The following PHF21A variants were observed in gnomAD, a reference collection of about 807,000 sequenced individuals.
PHF21A encodes BHC80a.
In PHF21A, 11 loss-of-function variants were observed where a neutral mutation model predicts 82.5. That is an observed-to-expected ratio of 0.13 (90% confidence interval 0.08 to 0.22). The LOEUF is 0.22. Ranked by LOEUF, PHF21A falls within the 10% of genes least tolerant of loss-of-function variation. The pLI is 1.00. For synonymous variants in PHF21A, 297 were observed against 302.8 expected, an observed-to-expected ratio of 0.98 and a Z score of 0.20; for missense variants, 579 against 837.8, an observed-to-expected ratio of 0.69 and a Z score of 3.81.
At chr11:46,119,888 G>A (rs1316738942) in intron 1 of PHF21A, 1 of 147,546 alleles carries the variant, frequency 6.8e-6, no homozygotes, top group Non-Finnish European at 1.5e-5. Flanking sequence ...CCTCCCCCCG[G>A]CGGGGGCGCG....
At chr11:45,958,419 AAT>A (rs71308367) in intron 10 of PHF21A, among the ~76,000 whole-genome samples, 252 of 24,984 alleles carry the variant, frequency 0.01, 3 homozygotes, top group Non-Finnish European at 0.011. Context: ...AAAAAAAAAA[AAT>A]ATATATATAT....
At chr11:45,966,225 T>C (rs2093426632) in intron 9 of PHF21A, among the ~76,000 whole-genome samples, 1 of 152,138 alleles carries the variant, frequency 6.6e-6, no homozygotes, top group Admixed American at 6.5e-5. Flanking sequence ...CCTGAGACAC[T>C]TCCTGAACTT....
chr11:46,017,172 C>T (rs1344209379), intron 6 of PHF21A, among the ~76,000 whole-genome samples: 1 of 151,990 alleles, frequency 6.6e-6, no homozygotes, highest in Non-Finnish European at 1.5e-5. Context: ...GGTTTCTCCA[C>T]ATTGGTCAGT....
At position 45,965,549 on chromosome 11, in the gene PHF21A, C is replaced by T. The variant is rs746494964; in HGVS notation, c.762G>A (p.Met254Ile). 1.3e-6 allele frequency: 2 copies of T among 1,595,234 alleles called. No individual in the cohort carries two copies. The highest frequency in any genetic ancestry group is 1.7e-6 in the Non-Finnish European group (2 of 1,168,840). ...TCTGGATAAGCTGAGGAGCTGCGAG[C>T]ATGGGAGGTGGTGCTGGGGCAATAG... ...NIPIAPAPPP[M>I]LAAPQLIQRP... The change falls in exon 10 of 19, where the codon ATG becomes ATA. Residue 254 changes from methionine (M) to isoleucine (I), a missense_variant. Coordinates refer to ENST00000676320, the MANE Select transcript of PHF21A (RefSeq NM_001352027.3).
chr11:45,992,087 A>G (rs2094723926), intron 6 of PHF21A, among the ~76,000 whole-genome samples: 1 of 152,218 alleles, frequency 6.6e-6, no homozygotes, highest in Non-Finnish European at 1.5e-5. Context: ...GTGCCCTAAT[A>G]ACACTAATCA....
chr11:45,943,121 CTTTTTTTTTT>C (rs3061870), intron 15 of PHF21A, among the ~76,000 whole-genome samples: 1 of 112,124 alleles, frequency 8.9e-6, no homozygotes, highest in Admixed American at 1.2e-4. Context: ...TCTTTCTTTC[CTTTTTTTTTT>C]TTTTTTTTTG....
rs992717737 is a variant in PHF21A at position 45,967,489 on chromosome 11, C to A, written c.703-1881G>T. Among the ~76,000 whole-genome samples, 8 of 152,204 alleles carry A rather than the reference C, an allele frequency of 5.3e-5. No individual in the cohort carries two copies. The South Asian group carries it at 1.5e-3, about 28-fold the overall frequency. ...AACTTGGGCACATCCATTGTGGGGA[C>A]CTTGAAGCCATGCCTATGTAGTTTT... On this transcript the variant is annotated intron_variant, in intron 9 of 18. Coordinates refer to ENST00000676320, the MANE Select transcript of PHF21A (RefSeq NM_001352027.3).
At chr11:46,012,422 G>A (rs774282339) in intron 6 of PHF21A, among the ~76,000 whole-genome samples, 3 of 152,068 alleles carry the variant, frequency 2.0e-5, no homozygotes, top group African/African-American at 4.8e-5. Context: ...TCATTCCCTG[G>A]ATAACAACAT....
At position 46,101,720 on chromosome 11, in the gene PHF21A, C is replaced by T. The variant is rs995345935; in HGVS notation, c.-236-9497G>A. On this transcript the variant is annotated intron_variant, in intron 1 of 18. Transcript: ENST00000676320. ...TGGCACAATCACAGCCTCGCAGCCT[C>T]GACCTACCAGGCTTAATCAATCCAC... is the stretch of plus-strand genomic sequence containing the variant. 1.1e-4 allele frequency among the ~76,000 whole-genome samples: 17 copies of T among 152,096 alleles called. No individual in the cohort carries two copies. The East Asian group carries it at 1.5e-3, about 14-fold the overall frequency.
intron 10 of PHF21A, among the ~76,000 whole-genome samples, chr11:45,961,081 G>C (rs1401420): frequency 0.88 from 133,929 of 152,232 alleles, 59,134 homozygotes; most frequent in East Asian, 1. Context: ...CGGGATATCT[G>C]TTATACTCAT....
At chr11:45,987,771 C>T (rs1173730809) in intron 6 of PHF21A, among the ~76,000 whole-genome samples, 6 of 146,896 alleles carry the variant, frequency 4.1e-5, no homozygotes, top group South Asian at 2.2e-4. Flanking sequence ...TAGAGCAAAA[C>T]GTCTGTCCCT....
chr11:45,964,998 T>G (rs2093347373), intron 10 of PHF21A, among the ~76,000 whole-genome samples: 1 of 152,288 alleles, frequency 6.6e-6, no homozygotes, highest in Non-Finnish European at 1.5e-5. Flanking sequence ...GCGTTTTCTG[T>G]TTACTACCTC....
Position 45,965,485 on chromosome 11 carries a change from G to C in PHF21A, c.826C>G (p.Pro276Ala). 6.2e-7 allele frequency: 1 copy of C among 1,614,012 alleles called. No individual in the cohort carries two copies. Among genetic ancestry groups the C allele is most frequent in the Non-Finnish European group, 8.5e-7 (1 of 1,179,956 alleles). ...MLTKFTPTTL[P>A]TSQNSIHPVR... The stretch of plus-strand genomic sequence containing the variant: ...GGGTGGATGGAATTCTGGGATGTGG[G>C]AAGGGTTGTGGGGGTGAACTTGGTC... Residue 276 changes from proline to alanine, a missense_variant, in exon 10 of 19, where the codon CCC becomes GCC. Pro to Ala is a conservative substitution (Grantham distance 27, BLOSUM62 -1). This residue lies in a region of PHF21A where 410 missense variants were observed against 642.1 expected (regional missense o/e 0.64). Transcript: ENST00000676320.
intron 6 of PHF21A, among the ~76,000 whole-genome samples, chr11:46,030,775 G>A (rs1419875580): frequency 6.6e-6 from 1 of 151,056 alleles, no homozygotes; most frequent in African/African-American, 2.4e-5. Flanking sequence ...GTAACTTTAA[G>A]AAGGTGACGA....
intron 6 of PHF21A, among the ~76,000 whole-genome samples, chr11:45,982,406 CAG>C (rs2094337137): frequency 6.6e-6 from 1 of 151,802 alleles, no homozygotes; most frequent in African/African-American, 2.4e-5. Context: ...TTAAATGATG[CAG>C]AGTTTAAAGT....
In PHF21A at chr11:45,953,641, T is replaced by C. The variant is rs1397444681; in HGVS notation, c.997-16A>G. 8 of 1,546,260 alleles carry C rather than the reference T, an allele frequency of 5.2e-6. No individual in the cohort carries two copies. In the South Asian group the frequency reaches 9.0e-5, roughly 17 times the overall value. ...ATTTAACTGTCTAGGAGAGAAAAAT[T>C]AAATAAAAATTCAGAATTCGTTTTT... On this transcript the variant is annotated splice_polypyrimidine_tract_variant and intron_variant, in intron 10 of 18. Coordinates refer to ENST00000676320, the MANE Select transcript of PHF21A (RefSeq NM_001352027.3).
At chr11:46,004,942 A>T (rs1035018918) in intron 6 of PHF21A, among the ~76,000 whole-genome samples, 1 of 152,188 alleles carries the variant, frequency 6.6e-6, no homozygotes, top group Non-Finnish European at 1.5e-5. Flanking sequence ...ACTACACAAC[A>T]AAGTTTACTT....
At position 45,933,716 on chromosome 11, in the gene PHF21A, T is replaced by C. The variant is rs1321276579; in HGVS notation, c.*252A>G. 1.8e-5 allele frequency: 7 copies of C among 389,862 alleles called. No individual in the cohort carries two copies. Among genetic ancestry groups the C allele is most frequent in the Non-Finnish European group, 2.7e-5 (6 of 220,962 alleles). 24.2% of individuals were successfully genotyped at this position (389,862 alleles called of 1,614,324 possible). A position where few individuals can be genotyped will look rare whatever the true frequency, so the allele number is the denominator to read the frequency against. On this transcript the variant is annotated 3_prime_UTR_variant, in exon 19 of 19. Coordinates refer to ENST00000676320, the MANE Select transcript of PHF21A (RefSeq NM_001352027.3). ...AGTAAATATATTATTTCACTTGGCA[T>C]GGTGCTGGCAAAGAACCTCCAGCTG...
chr11:45,981,392 CAAAAAAAAAAAAA>C (rs59866051), intron 6 of PHF21A, among the ~76,000 whole-genome samples: 5 of 60,292 alleles, frequency 8.3e-5, no homozygotes, highest in East Asian at 5.1e-4. Flanking sequence ...AACCCTGTCT[CAAAAAAAAAAAAA>C]AAAAAAAAAA....
Sources: allele counts gnomAD v4.1 joint callset (sites outside exome capture counted in the v4.1 genomes callset), GRCh38; gene constraint gnomAD v4.1.1; regional missense constraint gnomAD v4.1.1; transcripts MANE v1.5; gene names NCBI Gene and HGNC (gene_info 2026-07-23, HGNC 2026-07-21).